RIT2: variants seen among roughly 807,000 people sequenced by gnomAD.
RIT2 encodes the protein GTP-binding protein Rit2.
Under a neutral mutation model 23.7 loss-of-function variants are expected in RIT2, and 24 were observed. That is an observed-to-expected ratio of 1.01 (90% CI 0.73 to 1.43). The LOEUF is 1.43. Among genes scored for constraint, RIT2 ranks in the 40% most tolerant of loss-of-function variants. RIT2 has a pLI of 0.00. For missense variants in RIT2, 236 were observed against 266.9 expected (o/e 0.88, Z 0.81); for synonymous variants, 107 against 91.1 (o/e 1.17, Z -0.99).
At chr18:42,766,039 C>G (rs193017099) in intron 4 of RIT2, among the ~76,000 whole-genome samples, 55 of 152,300 alleles carry the variant, frequency 3.6e-4, no homozygotes, top group African/African-American at 1.2e-3. Context: ...CCAATTAAAC[C>G]TCCCTTTGTT....
At chr18:42,807,164 A>C (rs1905706891) in intron 4 of RIT2, among the ~76,000 whole-genome samples, 1 of 152,178 alleles carries the variant, frequency 6.6e-6, no homozygotes, top group Non-Finnish European at 1.5e-5. Flanking sequence ...AATTTCAAAA[A>C]AGAAAGCCAT....
rs570559840 is a variant in RIT2 at position 42,926,762 on chromosome 18, T to A, written c.235-2999A>T. On this transcript the variant is annotated intron_variant, in intron 3 of 4. Transcript: ENST00000326695. ...TAAATTGGAATCTCTAGGTATGAAG[T>A]TCCAGCATACATACTTTAAAATTTG... 3.2e-4 allele frequency among the ~76,000 whole-genome samples: 49 copies of A among 152,108 alleles called. No individual in the cohort carries two copies. In the Middle Eastern group the frequency reaches 0.01, roughly 32 times the overall value.
chr18:42,999,457 C>T (rs554936687), intron 2 of RIT2, among the ~76,000 whole-genome samples: 1 of 152,108 alleles, frequency 6.6e-6, no homozygotes, highest in African/African-American at 2.4e-5. Flanking sequence ...GGAAAAGTGA[C>T]ATATTTACAT....
At chr18:42,837,861 T>G (rs1388820729) in intron 4 of RIT2, among the ~76,000 whole-genome samples, 3 of 152,182 alleles carry the variant, frequency 2.0e-5, no homozygotes, top group Admixed American at 6.5e-5. Context: ...CACTCTCGGT[T>G]TCTGTCTACA....
chr18:42,925,609 T>C (rs913232023), intron 3 of RIT2, among the ~76,000 whole-genome samples: 1 of 151,972 alleles, frequency 6.6e-6, no homozygotes, highest in African/African-American at 2.4e-5. Flanking sequence ...CTAGTCCTTT[T>C]TGAAAATTAA....
intron 4 of RIT2, among the ~76,000 whole-genome samples, chr18:42,886,812 C>G (rs1908034938): frequency 1.3e-5 from 2 of 152,026 alleles, no homozygotes; most frequent in African/African-American, 2.4e-5. Flanking sequence ...TATGAGATAA[C>G]AGGGATGCCT....
intron 1 of RIT2, among the ~76,000 whole-genome samples, chr18:43,078,805 T>C (rs187707428): frequency 5.3e-5 from 8 of 152,318 alleles, no homozygotes; most frequent in Admixed American, 5.2e-4. Flanking sequence ...GAGTTGTTTC[T>C]CTCTGACTGT....
chr18:42,911,909 A>C (rs760579573), intron 4 of RIT2, among the ~76,000 whole-genome samples: 1 of 151,934 alleles, frequency 6.6e-6, no homozygotes, highest in Non-Finnish European at 1.5e-5. Flanking sequence ...AAAACCAGAA[A>C]AGGGAATACT....
At chr18:43,032,691 C>T (rs1911884339) in intron 2 of RIT2, among the ~76,000 whole-genome samples, 1 of 704 alleles carries the variant, frequency 1.4e-3, no homozygotes. Flanking sequence ...ATACTAATTG[C>T]ATGTACTAAA....
intron 4 of RIT2, among the ~76,000 whole-genome samples, chr18:42,859,991 T>A (rs1056906537): frequency 6.6e-6 from 1 of 151,650 alleles, no homozygotes; most frequent in African/African-American, 2.4e-5. Flanking sequence ...AAAAAAAAAA[T>A]TAGAAAGCCT....
At chr18:42,857,949 G>A (rs1263290582) in intron 4 of RIT2, among the ~76,000 whole-genome samples, 1 of 152,208 alleles carries the variant, frequency 6.6e-6, no homozygotes, top group Non-Finnish European at 1.5e-5. Flanking sequence ...GGGAGGCCAA[G>A]GCGGGTGCAT....
intron 4 of RIT2, among the ~76,000 whole-genome samples, chr18:42,750,620 C>A (rs1337377855): frequency 6.6e-6 from 1 of 151,666 alleles, no homozygotes; most frequent in Non-Finnish European, 1.5e-5. Context: ...CATGCTTTGT[C>A]ACAAAAAGTG....
chr18:42,823,715 T>A lies in RIT2; in HGVS notation c.427-79995A>T, dbSNP rs140387439. On this transcript the variant is annotated intron_variant, in intron 4 of 4. Transcript: ENST00000326695. The stretch of plus-strand genomic sequence containing the variant: ...TTATACGTCTATTATGCACCAGTAC[T>A]ACACCAGAAGTTTTATATTCACCAT... Among the ~76,000 whole-genome samples the A allele has an allele frequency of 7.1e-3, 1,074 of 152,278 alleles. 7 individuals are homozygous for A. The highest frequency in any genetic ancestry group is 0.024 in the Middle Eastern group (7 of 294).
At chr18:42,803,818 C>T (rs1164727113) in intron 4 of RIT2, among the ~76,000 whole-genome samples, 1 of 152,078 alleles carries the variant, frequency 6.6e-6, no homozygotes, top group Non-Finnish European at 1.5e-5. Flanking sequence ...AATTCAATTC[C>T]AGTAACAACT....
chr18:42,827,820 A>G (rs1041612467), intron 4 of RIT2, among the ~76,000 whole-genome samples: 5 of 151,938 alleles, frequency 3.3e-5, no homozygotes, highest in Non-Finnish European at 7.4e-5. Flanking sequence ...CCTGGCTAAC[A>G]CGGTGAAACC....
At chr18:42,806,924 G>A (rs955732380) in intron 4 of RIT2, among the ~76,000 whole-genome samples, 10 of 152,086 alleles carry the variant, frequency 6.6e-5, no homozygotes, top group Admixed American at 1.3e-4. Context: ...CTAGGCTAGC[G>A]GGTTAAAAGA....
chr18:42,920,882 G>T (rs1909038949), intron 4 of RIT2: 1 of 677,298 alleles, frequency 1.5e-6, no homozygotes, highest in African/African-American at 1.8e-5. Flanking sequence ...AATTCTCAGA[G>T]AATTCTTTTG....
rs758216636 is a variant in RIT2 at position 43,115,550 on chromosome 18, G to T, written c.-31C>A. ...CCGAGGGACCGGAGGAAAAAAAGAA[G>T]GAGAAAGTCACCCGTGTCAGGTGCT... On this transcript the variant is annotated 5_prime_UTR_variant, in exon 1 of 5. Transcript: ENST00000326695. 7 of 1,599,770 alleles carry T rather than the reference G, an allele frequency of 4.4e-6. No individual in the cohort carries two copies. In the African/African-American group the frequency reaches 8.1e-5, roughly 19 times the overall value.
chr18:43,095,014 A>G (rs1334314843), intron 1 of RIT2, among the ~76,000 whole-genome samples: 2 of 152,098 alleles, frequency 1.3e-5, no homozygotes, highest in East Asian at 1.9e-4. Flanking sequence ...TTGTGCTGCA[A>G]TAAACATACG....
Sources: gnomAD v4.1 joint callset for allele counts (sites outside exome capture counted in the v4.1 genomes callset) on GRCh38, gnomAD v4.1.1 for gene constraint, MANE v1.5 for transcripts, NCBI Gene and HGNC (gene_info 2026-07-23, HGNC 2026-07-21) for gene names.